Variants in CEP350 observed in about 807,000 individuals in gnomAD.
CEP350 encodes the protein centrosomal protein 350, also known as centrosome-associated protein 350.
In CEP350, 126 loss-of-function variants were observed where a neutral mutation model predicts 331.8. That is an observed-to-expected ratio of 0.38 (90% CI 0.33 to 0.44). The LOEUF is 0.44. Among genes scored for constraint, CEP350 ranks in the 20% least tolerant of loss-of-function variants. The probability of loss-of-function intolerance (pLI) is 1.00; values close to 1 mark genes in which losing one functional copy is unlikely to be tolerated. For missense variants in CEP350, 3,406 were observed against 3,634.6 expected (o/e 0.94, Z 1.62); for synonymous variants, 1,200 against 1,259.5 (o/e 0.95, Z 1.00).
chr1:180,074,882 A>G, intron 27 of CEP350, 140 bp from the exon 28 acceptor site: 1 of 627,112 alleles, frequency 1.6e-6, no homozygotes. Flanking sequence ...TATTATCTCA[A>G]GCTTTTTTCA....
chr1:180,070,252 G>A (rs1029835722), intron 27 of CEP350, among the ~76,000 whole-genome samples: 3 of 152,070 alleles, frequency 2.0e-5, no homozygotes, highest in Non-Finnish European at 4.4e-5. Context: ...TTTTGTTTTC[G>A]ATATCTTTTA....
At position 180,111,281 on chromosome 1, in the gene CEP350, G is replaced by A; in HGVS notation, c.*120G>A. 2 of 1,212,054 alleles carry A rather than the reference G, an allele frequency of 1.7e-6. No homozygotes were observed. Among genetic ancestry groups the A allele is most frequent in the Non-Finnish European group, 1.1e-6 (1 of 872,394 alleles). The allele number at this position is 1,212,054 out of a possible 1,614,324, so 75.1% of individuals were successfully genotyped here. On this transcript the variant is annotated 3_prime_UTR_variant, in exon 38 of 38. Transcript: ENST00000367607. ...TCTGGACCTTGTACTTATTCTTAAAGACTACCAGTATGGAGTTCATAGGAC... is the reference window on the plus strand; with the variant it reads ...TCTGGACCTTGTACTTATTCTTAAAAACTACCAGTATGGAGTTCATAGGAC...
At chr1:179,968,332 CA>C (rs397861084) in intron 1 of CEP350, among the ~76,000 whole-genome samples, 18,668 of 88,202 alleles carry the variant, frequency 0.21, 1,094 homozygotes, top group African/African-American at 0.24. Context: ...ACTCTGTCTC[CA>C]AAAAAAAAAA....
rs1355344694 is a variant in CEP350, at chr1:180,004,902, G to GCTTT, written c.1133-1549_1133-1548insTCTT. Among the ~76,000 whole-genome samples the GCTTT allele has an allele frequency of 1.8e-3, 221 of 125,374 alleles. 1 individual carries two copies. Among genetic ancestry groups the GCTTT allele is most frequent in the African/African-American group, 2.8e-3 (80 of 28,730 alleles). The allele number at this position is 125,374 out of a possible 152,430, so 82.3% of individuals were successfully genotyped here. A position where few individuals can be genotyped will look rare whatever the true frequency, so the allele number is the denominator to read the frequency against. On this transcript the variant is annotated intron_variant, in intron 7 of 37. Transcript: ENST00000367607. ...TGCTTGCTTGCTTGCTTGCTTGCTT[G>GCTTT]CTTGCTTTCTTTCTTTCTTTCTTTC...
At chr1:180,024,997 T>A (rs1655575040) in intron 14 of CEP350, among the ~76,000 whole-genome samples, 1 of 151,728 alleles carries the variant, frequency 6.6e-6, no homozygotes, top group Non-Finnish European at 1.5e-5. Flanking sequence ...TGATCTTGGC[T>A]CACTGCAAGC....
rs369676171 is a variant in CEP350, at chr1:180,075,123, G to A, written c.5669G>A (p.Arg1890His). 26 of 1,613,460 alleles carry A rather than the reference G, an allele frequency of 1.6e-5. No individual in the cohort carries two copies. Among genetic ancestry groups the A allele is most frequent in the African/African-American group, 2.7e-5 (2 of 74,914 alleles). ...RRLDAEEAEI[R>H]QMEKQALAAW... is the part of the protein sequence containing the mutation. ...TTAGATGCAGAAGAAGCAGAAATTC[G>A]TCAAATGGAAAAACAAGCTTTGGCT... Residue 1890 changes from arginine to histidine, a missense_variant, in exon 28 of 38, where the codon CGT becomes CAT. Transcript: ENST00000367607.
At chr1:180,058,127 T>TA (rs1657972300) in intron 25 of CEP350, among the ~76,000 whole-genome samples, 1 of 152,180 alleles carries the variant, frequency 6.6e-6, no homozygotes, top group Non-Finnish European at 1.5e-5. Flanking sequence ...GTATATATCC[T>TA]AAAAAAGCTT....
chr1:179,989,500 T>A (rs1283996075), intron 3 of CEP350, among the ~76,000 whole-genome samples: 2 of 135,188 alleles, frequency 1.5e-5, no homozygotes, highest in Non-Finnish European at 1.6e-5. Context: ...AAAAAAAAAA[T>A]CTGAAGGAAG....
At chr1:180,056,235 C>T (rs1657831314) in intron 25 of CEP350, among the ~76,000 whole-genome samples, 1 of 152,016 alleles carries the variant, frequency 6.6e-6, no homozygotes, top group Non-Finnish European at 1.5e-5. Flanking sequence ...CCATTATTTA[C>T]TGCTTTCCAT....
chr1:180,049,669 G>T (rs1657358653), intron 22 of CEP350, among the ~76,000 whole-genome samples: 1 of 151,304 alleles, frequency 6.6e-6, no homozygotes, highest in Non-Finnish European at 1.5e-5. Flanking sequence ...TCAGCCTCCT[G>T]AGTAGCTGGG....
chr1:180,107,734 G>A (rs1661224328), intron 37 of CEP350, among the ~76,000 whole-genome samples: 1 of 152,064 alleles, frequency 6.6e-6, no homozygotes, highest in Non-Finnish European at 1.5e-5. Flanking sequence ...TACAGTGAAA[G>A]ACCCTGGCAT....
chr1:180,028,325 A>T (rs1655805117), intron 14 of CEP350, among the ~76,000 whole-genome samples: 1 of 152,208 alleles, frequency 6.6e-6, no homozygotes, highest in African/African-American at 2.4e-5. Context: ...TCAGCTGAAC[A>T]CAGTTTGGGA....
chr1:180,070,410 A>G (rs1658809636), intron 27 of CEP350, among the ~76,000 whole-genome samples: 1 of 152,202 alleles, frequency 6.6e-6, no homozygotes, highest in Admixed American at 6.5e-5. Flanking sequence ...TTAACGTCAC[A>G]TGGTCTAGCA....
At chr1:180,090,380 A>G (rs892819684) in intron 32 of CEP350, among the ~76,000 whole-genome samples, 2 of 150,868 alleles carry the variant, frequency 1.3e-5, no homozygotes, top group Admixed American at 6.6e-5. Flanking sequence ...CCCCGCCTCT[A>G]CTAAAAATAC....
intron 1 of CEP350, among the ~76,000 whole-genome samples, chr1:179,977,148 C>G (rs183136395): frequency 2.0e-5 from 3 of 152,214 alleles, no homozygotes; most frequent in African/African-American, 7.2e-5. Context: ...TAGGCCTTAT[C>G]CAGTCAGCTA....
At chr1:179,995,143 A>G (rs1653375911) in intron 5 of CEP350, among the ~76,000 whole-genome samples, 2 of 152,250 alleles carry the variant, frequency 1.3e-5, no homozygotes, top group South Asian at 2.1e-4. Context: ...CATGTGCTCA[A>G]TAGCCATATG....
rs1396246636 is a variant in CEP350 at position 180,065,888 on chromosome 1, A to G, written c.5567+616A>G. On this transcript the variant is annotated intron_variant, in intron 27 of 37. Coordinates refer to ENST00000367607, the MANE Select transcript of CEP350 (RefSeq NM_014810.5). ...TATAGAAATTAAAGAAATTTTCAATAAAATTTCTTTCTACTAATTTGGGGA... is the reference window on the plus strand; with the variant it reads ...TATAGAAATTAAAGAAATTTTCAATGAAATTTCTTTCTACTAATTTGGGGA... Among the ~76,000 whole-genome samples the G allele has an allele frequency of 3.3e-5, 5 of 152,116 alleles. No homozygotes were observed. The East Asian group carries it at 9.6e-4, about 29-fold the overall frequency.
chr1:180,093,053 A>G lies in CEP350; in HGVS notation c.6948A>G (p.Gly2316=). The G allele has an allele frequency of 6.2e-7, 1 of 1,606,330 alleles. No homozygotes were observed. Among genetic ancestry groups the G allele is most frequent in the Non-Finnish European group, 8.5e-7 (1 of 1,175,760 alleles). ...DSENVQKDLV[G]LAIENLHKSE... is the part of the protein sequence containing the mutation. ...AAAATGTTCAGAAAGACCTAGTTGG[A>G]TTAGCTATTGAAAATCTCCATAAAA... is the stretch of plus-strand genomic sequence containing the variant. The change falls in exon 34 of 38, where the codon GGA becomes GGG. Residue 2316 remains glycine, a synonymous_variant. Transcript: ENST00000367607.
At chr1:179,989,511 A>G (rs1051192536) in intron 3 of CEP350, among the ~76,000 whole-genome samples, 1 of 151,274 alleles carries the variant, frequency 6.6e-6, no homozygotes, top group Non-Finnish European at 1.5e-5. Context: ...CTGAAGGAAG[A>G]TATATCAAAA....
Sources: gnomAD v4.1 joint callset for allele counts (sites outside exome capture counted in the v4.1 genomes callset) on GRCh38, gnomAD v4.1.1 for gene constraint, MANE v1.5 for transcripts, NCBI Gene and HGNC (gene_info 2026-07-23, HGNC 2026-07-21) for gene names.